The following NDC80 variants were observed in gnomAD, a reference collection of about 807,000 sequenced individuals.
NDC80 encodes NDC80 kinetochore complex component.
A neutral mutation model predicts 89.3 loss-of-function variants in NDC80; 69 were observed. The ratio of observed to expected loss-of-function variants is 0.77; its 90% CI spans 0.64 to 0.94. The LOEUF (loss-of-function observed/expected upper bound fraction) is 0.94, where lower values mean the gene tolerates loss of function less well. NDC80 is among the 40% of genes least tolerant of loss of function. The pLI is 0.00. For synonymous variants in NDC80, 243 were observed against 255.6 expected, an observed-to-expected ratio of 0.95 and a Z score of 0.47; for missense variants, 593 against 739.6, an observed-to-expected ratio of 0.80 and a Z score of 2.30.
Position 2,578,189 on chromosome 18 carries a change from T to C in NDC80, c.476+48T>C, listed in dbSNP as rs1370311528. 3 of 1,514,012 alleles carry C rather than the reference T, an allele frequency of 2.0e-6. No individual in the cohort carries two copies. The East Asian group carries it at 6.8e-5, about 34-fold the overall frequency. 93.8% of individuals were successfully genotyped at this position (1,514,012 alleles called of 1,614,324 possible). On this transcript the variant is annotated intron_variant, in intron 5 of 16. Coordinates refer to ENST00000261597, the MANE Select transcript of NDC80 (RefSeq NM_006101.3). The stretch of plus-strand genomic sequence containing the variant: ...TAGAGACATGACTGGCACACAGAGA[T>C]GAAACAAATTAAATCAATTTGTAAA...
Position 2,577,886 on chromosome 18 carries a change from A to T in NDC80, c.303+17A>T. On this transcript the variant is annotated intron_variant, in intron 4 of 16. Coordinates refer to ENST00000261597, the MANE Select transcript of NDC80 (RefSeq NM_006101.3). ...CTCTGTGAGGTACTTTAGGATTTTA[A>T]TCTAAACTGTGATTGTTGTCATAGG... The T allele has an allele frequency of 6.2e-7, 1 of 1,612,608 alleles. No homozygotes were observed. The highest frequency in any genetic ancestry group is 8.5e-7 in the Non-Finnish European group (1 of 1,179,162).
intron 16 of NDC80, among the ~76,000 whole-genome samples, chr18:2,615,927 A>C (rs1465476306): frequency 6.6e-6 from 1 of 152,204 alleles, no homozygotes; most frequent in Admixed American, 6.5e-5. Context: ...GAAAAGCAAA[A>C]CACCATTCAG....
chr18:2,613,304 G>A (rs1441087030), intron 16 of NDC80, among the ~76,000 whole-genome samples: 1 of 152,204 alleles, frequency 6.6e-6, no homozygotes, highest in East Asian at 1.9e-4. Flanking sequence ...GTTATTATTT[G>A]ATTCTTTACA....
chr18:2,600,740 A>G (rs757265198), intron 12 of NDC80, among the ~76,000 whole-genome samples: 1 of 152,234 alleles, frequency 6.6e-6, no homozygotes, highest in African/African-American at 2.4e-5. Context: ...TTATTTCAGC[A>G]TAATGAAATG....
At chr18:2,605,170 TATAGA>T (rs2072703580) in intron 13 of NDC80, among the ~76,000 whole-genome samples, 1 of 151,950 alleles carries the variant, frequency 6.6e-6, no homozygotes, top group African/African-American at 2.4e-5. Context: ...AAGAGAAGTA[TATAGA>T]AGAGAGAATT....
intron 7 of NDC80, among the ~76,000 whole-genome samples, chr18:2,586,919 T>C (rs76492510): frequency 0.058 from 8,813 of 152,286 alleles, 865 homozygotes; most frequent in African/African-American, 0.2. Flanking sequence ...ATACTCAGCT[T>C]TGTGAGTCCA....
chr18:2,604,453 C>T (rs949978823), intron 13 of NDC80, among the ~76,000 whole-genome samples: 1 of 152,106 alleles, frequency 6.6e-6, no homozygotes, highest in South Asian at 2.1e-4. Context: ...GAGGCCAAGG[C>T]GGGTGGATGG....
intron 16 of NDC80, among the ~76,000 whole-genome samples, chr18:2,614,660 A>T: frequency 6.8e-6 from 1 of 146,960 alleles, no homozygotes; most frequent in Admixed American, 6.8e-5. Context: ...AAAGAAATAA[A>T]TTTGGCAATC....
intron 3 of NDC80, among the ~76,000 whole-genome samples, chr18:2,575,534 G>A (rs939333205): frequency 1.3e-5 from 2 of 152,078 alleles, no homozygotes; most frequent in African/African-American, 2.4e-5. Context: ...GGGAGGCTGA[G>A]ATGGGAGGCT....
intron 15 of NDC80, among the ~76,000 whole-genome samples, chr18:2,609,205 C>T (rs2143668062): frequency 2.0e-5 from 3 of 152,024 alleles, no homozygotes; most frequent in Admixed American, 2.0e-4. Flanking sequence ...TTTTTATTTC[C>T]TAGAAATTAT....
At chr18:2,586,307 T>G (rs2072602623) in intron 7 of NDC80, among the ~76,000 whole-genome samples, 1 of 152,186 alleles carries the variant, frequency 6.6e-6, no homozygotes, top group South Asian at 2.1e-4. Context: ...TGATCCCAGT[T>G]GGAAAGGCTC....
intron 10 of NDC80, chr18:2,593,580 A>G (rs2072638693): frequency 6.4e-6 from 1 of 156,768 alleles, no homozygotes; most frequent in East Asian, 1.9e-4. Flanking sequence ...TTCTTCCACA[A>G]TTCACAGTTC....
intron 3 of NDC80, among the ~76,000 whole-genome samples, 195 bp from the exon 4 acceptor site, chr18:2,577,551 T>A (rs1445727666): frequency 6.6e-6 from 1 of 152,226 alleles, no homozygotes; most frequent in Admixed American, 6.5e-5. Flanking sequence ...TACATCCTTA[T>A]CTTTAACTGC....
chr18:2,593,101 CT>C lies in NDC80; in HGVS notation c.1016-2314del, dbSNP rs1226280459. Among the ~76,000 whole-genome samples the C allele has an allele frequency of 2.0e-5, 3 of 147,298 alleles. No individual in the cohort carries two copies. The East Asian group carries it at 6.0e-4, about 29-fold the overall frequency. On this transcript the variant is annotated intron_variant, in intron 10 of 16. Coordinates refer to ENST00000261597, the MANE Select transcript of NDC80 (RefSeq NM_006101.3). Reference sequence around the variant, plus strand: ...TCAGACTCTTACTCTGTCACCCAGCCTGGAGTGCAATGGCACGATCTCAGTT... The same window carrying C: ...TCAGACTCTTACTCTGTCACCCAGCCGGAGTGCAATGGCACGATCTCAGTT...
chr18:2,589,335 A>G (rs769137790), intron 9 of NDC80, 25 bp downstream of exon 9: 1 of 1,504,732 alleles, frequency 6.6e-7, no homozygotes, highest in Non-Finnish European at 9.2e-7. Context: ...TTACACACTT[A>G]CTTGAGAGCT....
At chr18:2,582,339 A>G (rs2072582724) in intron 6 of NDC80, 1 of 152,170 alleles carries the variant, frequency 6.6e-6, no homozygotes. Flanking sequence ...AGCCTCCCAA[A>G]GTGCTGGGAT....
In NDC80 at chr18:2,589,214, T is replaced by C. The variant is rs1341943590; in HGVS notation, c.774T>C (p.Phe258=). 6.2e-7 allele frequency: 1 copy of C among 1,610,596 alleles called. No individual in the cohort carries two copies. Among genetic ancestry groups the C allele is most frequent in the African/African-American group, 1.3e-5 (1 of 74,954 alleles). The change falls in exon 9 of 17, where the codon TTT becomes TTC. Residue 258 remains phenylalanine, a synonymous_variant. Coordinates refer to ENST00000261597, the MANE Select transcript of NDC80 (RefSeq NM_006101.3). ...GGATTTTGTCTCCAGAGGATTTATTTAATGTGGATGCTTTTAAGCTGGAAT... is the reference window on the plus strand; with the variant it reads ...GGATTTTGTCTCCAGAGGATTTATTCAATGTGGATGCTTTTAAGCTGGAAT... ...AELQSKLKDL[F]NVDAFKLESL...
At chr18:2,577,656 G>A in intron 3 of NDC80, 90 bp from the exon 4 acceptor site, 1 of 1,373,980 alleles carries the variant, frequency 7.3e-7, no homozygotes, top group Non-Finnish European at 1.0e-6. Context: ...GTTTGATGTT[G>A]ATGTTAAAAT....
At chr18:2,572,598 A>G (rs1209515878) in intron 1 of NDC80, among the ~76,000 whole-genome samples, 2 of 152,212 alleles carry the variant, frequency 1.3e-5, no homozygotes, top group Admixed American at 6.5e-5. Flanking sequence ...TTGTCTTCCT[A>G]TTGAAATAGG....
Sources: gnomAD v4.1 joint callset for allele counts (sites outside exome capture counted in the v4.1 genomes callset) on GRCh38, gnomAD v4.1.1 for gene constraint, MANE v1.5 for transcripts, NCBI Gene and HGNC (gene_info 2026-07-23, HGNC 2026-07-21) for gene names.